Variants in CAPN6 observed in about 807,000 individuals in gnomAD.
CAPN6 encodes the protein calpain 6.
A neutral mutation model predicts 46.0 loss-of-function variants in CAPN6; 16 were observed. That is an observed-to-expected ratio of 0.35 (90% CI 0.24 to 0.53). The LOEUF (loss-of-function observed/expected upper bound fraction) is 0.53. Among genes scored for constraint, CAPN6 ranks in the 20% least tolerant of loss-of-function variants. The pLI is 0.94. For synonymous variants in CAPN6, 206 were observed against 172.8 expected (o/e 1.19, Z -1.51); for missense variants, 461 against 498.0 (o/e 0.93, Z 0.71).
chrX:111,246,571 G>T lies in CAPN6; in HGVS notation c.*6C>A, dbSNP rs751042151. 1.7e-6 allele frequency: 2 copies of T among 1,202,154 alleles called. No individual in the cohort carries two copies. The highest frequency in any genetic ancestry group is 2.3e-6 in the Non-Finnish European group (2 of 888,596). ...CGCTTTGTCAGGATTCTCTGGGATT[G>T]CAGATTTAGAGCTCAGTGAGATCAT... On this transcript the variant is annotated 3_prime_UTR_variant, in exon 13 of 13. Coordinates refer to ENST00000324068, the MANE Select transcript of CAPN6 (RefSeq NM_014289.4).
In CAPN6 at chrX:111,249,111, C is replaced by T. The variant is rs17880042; in HGVS notation, c.1159-54G>A. The stretch of plus-strand genomic sequence containing the variant: ...AGTTAGCATTCCCATTTCATATGAA[C>T]GAGCTTAAATTTCAGGGAATAAAGC... On this transcript the variant is annotated intron_variant, in intron 8 of 12. Coordinates refer to ENST00000324068, the MANE Select transcript of CAPN6 (RefSeq NM_014289.4). The T allele has an allele frequency of 4.6e-3, 5,403 of 1,166,604 alleles. 159 individuals are homozygous for T. In the African/African-American group the frequency reaches 0.081, roughly 18 times the overall value.
At chrX:111,266,667 G>A in intron 1 of CAPN6, among the ~76,000 whole-genome samples, 1 of 112,586 alleles carries the variant, frequency 8.9e-6, no homozygotes, top group Admixed American at 9.4e-5. Context: ...TGTATCTGCA[G>A]AAATGGCAGC....
intron 1 of CAPN6, among the ~76,000 whole-genome samples, chrX:111,265,577 C>A (rs1429419035): frequency 2.7e-5 from 3 of 111,887 alleles, no homozygotes; most frequent in African/African-American, 9.8e-5. Flanking sequence ...GCATCAGAGC[C>A]AACCTGAATG....
At chrX:111,260,660 G>C (rs1569481494) in intron 2 of CAPN6, among the ~76,000 whole-genome samples, 1 of 111,790 alleles carries the variant, frequency 8.9e-6, no homozygotes. Flanking sequence ...TTGACCACAG[G>C]CTTGGCCTCC....
At chrX:111,268,278 A>G (rs2094993468) in intron 1 of CAPN6, among the ~76,000 whole-genome samples, 1 of 112,503 alleles carries the variant, frequency 8.9e-6, no homozygotes, top group Non-Finnish European at 1.9e-5. Flanking sequence ...AAAAATAAAA[A>G]GCAATTCAAA....
chrX:111,256,411 A>T (rs1189236492), intron 2 of CAPN6, among the ~76,000 whole-genome samples: 1 of 112,018 alleles, frequency 8.9e-6, no homozygotes, highest in African/African-American at 3.2e-5. Flanking sequence ...AAAAAAAAAT[A>T]ATGATTTATT....
rs146867182 is a variant in CAPN6 at position 111,269,603 on chromosome X, C to T, written c.-16+768G>A. Reference sequence around the variant, plus strand: ...TGCACCGCTCCTTTTTCCCGTCCCCCACCCAAAGCCAGTTCTGATCAAGTG... The same window carrying T: ...TGCACCGCTCCTTTTTCCCGTCCCCTACCCAAAGCCAGTTCTGATCAAGTG... On this transcript the variant is annotated intron_variant, in intron 1 of 12. Transcript: ENST00000324068. Among the ~76,000 whole-genome samples the T allele has an allele frequency of 3.6e-5, 4 of 111,962 alleles. No individual in the cohort carries two copies. In the East Asian group the frequency reaches 1.1e-3, roughly 32 times the overall value.
At chrX:111,262,644 GA>G (rs1313657666) in intron 2 of CAPN6, among the ~76,000 whole-genome samples, 4 of 111,662 alleles carry the variant, frequency 3.6e-5, no homozygotes, top group African/African-American at 1.3e-4. Flanking sequence ...CCTACATTGA[GA>G]AGGAGTTTAG....
chrX:111,255,664 C>T (rs1261788604), intron 2 of CAPN6, among the ~76,000 whole-genome samples: 1 of 111,649 alleles, frequency 9.0e-6, no homozygotes, highest in Non-Finnish European at 1.9e-5. Context: ...CCATAATTCT[C>T]CTTGACGAAG....
At chrX:111,270,312 G>A (rs2094995015) in intron 1 of CAPN6, 59 bp downstream of exon 1, 4 of 270,766 alleles carry the variant, frequency 1.5e-5, no homozygotes, top group South Asian at 1.2e-4. Flanking sequence ...TTTCTTAGAC[G>A]CTAAGTTATC....
chrX:111,266,382 T>C (rs896029504), intron 1 of CAPN6, among the ~76,000 whole-genome samples: 2 of 111,277 alleles, frequency 1.8e-5, no homozygotes, highest in Non-Finnish European at 3.8e-5. Context: ...TCTTACACCA[T>C]GGGTGTACCT....
Position 111,247,866 on chromosome X carries a change from C to T in CAPN6, c.1606+5G>A. ...TGCTTTCCCAGACATTCCTGCCATT[C>T]TTACTTTCATTGGCATACTTCTTCT... is the stretch of plus-strand genomic sequence containing the variant. On this transcript the variant is annotated splice_donor_5th_base_variant and intron_variant, in intron 11 of 12. Coordinates refer to ENST00000324068, the MANE Select transcript of CAPN6 (RefSeq NM_014289.4). 1.7e-6 allele frequency: 2 copies of T among 1,208,899 alleles called. No individual in the cohort carries two copies. The highest frequency in any genetic ancestry group is 2.2e-6 in the Non-Finnish European group (2 of 893,837).
At chrX:111,254,250 G>A (rs898265536) in intron 3 of CAPN6, 22 bp downstream of exon 3, 1 of 1,161,233 alleles carries the variant, frequency 8.6e-7, no homozygotes, top group Non-Finnish European at 1.2e-6. Context: ...AACTGAATGA[G>A]GTCCCACAGG....
chrX:111,256,405 A>G (rs1422280350), intron 2 of CAPN6, among the ~76,000 whole-genome samples: 2 of 112,165 alleles, frequency 1.8e-5, no homozygotes, highest in Non-Finnish European at 3.8e-5. Context: ...GTTCCAAAAA[A>G]AAAATAATGA....
intron 1 of CAPN6, among the ~76,000 whole-genome samples, chrX:111,269,583 C>T (rs1210140484): frequency 9.0e-6 from 1 of 111,632 alleles, no homozygotes; most frequent in African/African-American, 3.3e-5. Flanking sequence ...TACAATGCAC[C>T]GCTCCTTTTT....
At chrX:111,260,977 T>G (rs999976230) in intron 2 of CAPN6, among the ~76,000 whole-genome samples, 11 of 112,715 alleles carry the variant, frequency 9.8e-5, no homozygotes, top group Non-Finnish European at 1.5e-4. Context: ...AGAGTAAGTG[T>G]TCAGTAAATA....
chrX:111,250,951 T>A lies in CAPN6; in HGVS notation c.1124A>T (p.Tyr375Phe). 1 of 1,211,149 alleles carries A rather than the reference T, an allele frequency of 8.3e-7. No homozygotes were observed. Among genetic ancestry groups the A allele is most frequent in the Non-Finnish European group, 1.1e-6 (1 of 895,316 alleles). Residue 375 changes from tyrosine (Y) to phenylalanine (F), a missense_variant, in exon 8 of 13, where the codon TAT becomes TTT. Transcript: ENST00000324068. ...CTGCAGGAAGGTATCACGGTTGTTA[T>A]AGCAGCCTCCTGAGCGGTTCATCAG... The part of the protein sequence containing the change: ...DPLMNRSGGC[Y>F]NNRDTFLQNP...
chrX:111,263,738 T>G, intron 2 of CAPN6, 34 bp downstream of exon 2: 1 of 1,152,593 alleles, frequency 8.7e-7, no homozygotes, highest in African/African-American at 1.8e-5. Flanking sequence ...ATGAAGGAGG[T>G]CAAGGAGACA....
At position 111,251,001 on chromosome X, in the gene CAPN6, T is replaced by A. The variant is rs2094978828; in HGVS notation, c.1074A>T (p.Gly358=). Residue 358 remains glycine, a synonymous_variant, in exon 8 of 13, where the codon GGA becomes GGT. Transcript: ENST00000324068. ...GGGGATCATCATCCACAGTCCAGCA[T>A]CCCAACACCGATTCCAGCTCCTTTC... ...FGRKELESVL[G]CWTVDDDPLM... 8.3e-7 allele frequency: 1 copy of A among 1,211,422 alleles called. No homozygotes were observed. Among genetic ancestry groups the A allele is most frequent in the East Asian group, 3.0e-5 (1 of 33,815 alleles).
Sources: allele counts gnomAD v4.1 joint callset (sites outside exome capture counted in the v4.1 genomes callset), GRCh38; gene constraint gnomAD v4.1.1; transcripts MANE v1.5; gene names NCBI Gene and HGNC (gene_info 2026-07-23, HGNC 2026-07-21).